Variants in MORC1 observed in about 807,000 individuals in gnomAD.
MORC1 encodes MORC family CW-type zinc finger 1.
A neutral mutation model predicts 134.9 loss-of-function variants in MORC1; 59 were observed. That is an observed-to-expected ratio of 0.44 (90% CI 0.35 to 0.54). MORC1 has a LOEUF of 0.54. MORC1 is among the 20% of genes least tolerant of loss of function. MORC1 has a pLI of 0.00. For synonymous variants in MORC1, 395 were observed against 391.7 expected, an observed-to-expected ratio of 1.01 and a Z score of -0.10; for missense variants, 947 against 1,134.5, an observed-to-expected ratio of 0.83 and a Z score of 2.37.
At chr3:109,081,019 T>G (rs959373596) in intron 8 of MORC1, among the ~76,000 whole-genome samples, 1 of 152,118 alleles carries the variant, frequency 6.6e-6, no homozygotes, top group South Asian at 2.1e-4. Context: ...TCACCCTCCA[T>G]GTACACACAC....
rs539447801 is a variant in MORC1, at chr3:109,013,122, C to T, written c.1705-6031G>A. ...ATTTTATCAGGAATGGCTATAGTTG[C>T]TTCTTTTTTGTCATTTATATTTTGC... On this transcript the variant is annotated intron_variant, in intron 17 of 27. Transcript: ENST00000232603. 7.4e-4 allele frequency among the ~76,000 whole-genome samples: 112 copies of T among 152,078 alleles called. No homozygotes were observed. In the South Asian group the frequency reaches 7.9e-3, roughly 11 times the overall value.
intron 21 of MORC1, among the ~76,000 whole-genome samples, chr3:108,996,641 G>C (rs1948238215): frequency 6.6e-6 from 1 of 152,190 alleles, no homozygotes; most frequent in African/African-American, 2.4e-5. Flanking sequence ...GTCTTGCCAA[G>C]AACATGCTCA....
chr3:109,035,519 C>T, intron 14 of MORC1, 51 bp from the exon 15 acceptor site: 1 of 1,220,384 alleles, frequency 8.2e-7, no homozygotes, highest in Non-Finnish European at 1.1e-6. Flanking sequence ...TCATTAAAAT[C>T]AAAACAATTG....
chr3:109,020,027 C>T (rs114773601), intron 17 of MORC1, among the ~76,000 whole-genome samples: 2,554 of 152,282 alleles, frequency 0.017, 70 homozygotes, highest in African/African-American at 0.058. Context: ...GTATATGTAG[C>T]TTAAGTGGCA....
chr3:109,013,463 G>A (rs1171613668), intron 17 of MORC1, among the ~76,000 whole-genome samples: 4 of 152,124 alleles, frequency 2.6e-5, no homozygotes, highest in Non-Finnish European at 1.5e-5. Context: ...CCTTTCATGT[G>A]CATTTCACAT....
At chr3:109,053,154 A>G (rs561391697) in intron 14 of MORC1, among the ~76,000 whole-genome samples, 14 of 152,148 alleles carry the variant, frequency 9.2e-5, no homozygotes, top group Admixed American at 7.2e-4. Flanking sequence ...AGAAAGGGAC[A>G]CTTACACAAT....
chr3:109,009,650 T>C lies in MORC1; in HGVS notation c.1705-2559A>G, dbSNP rs551471742. Among the ~76,000 whole-genome samples the C allele has an allele frequency of 7.2e-5, 11 of 152,338 alleles. No homozygotes were observed. In the East Asian group the frequency reaches 1.9e-3, roughly 27 times the overall value. Reference sequence around the variant, plus strand: ...TGAAGCTGATTTTTTTTAGAGAAGTTTGAAGCCAAAGTGAACTGTTTTGTC... The same window carrying C: ...TGAAGCTGATTTTTTTTAGAGAAGTCTGAAGCCAAAGTGAACTGTTTTGTC... On this transcript the variant is annotated intron_variant, in intron 17 of 27. Coordinates refer to ENST00000232603, the MANE Select transcript of MORC1 (RefSeq NM_014429.4).
intron 17 of MORC1, among the ~76,000 whole-genome samples, chr3:109,021,344 T>A (rs1948952906): frequency 6.6e-6 from 1 of 152,222 alleles, no homozygotes; most frequent in South Asian, 2.1e-4. Context: ...GTGAAAATCA[T>A]TTCAGGCAAC....
At chr3:108,965,375 C>G (rs1004400245) in intron 26 of MORC1, among the ~76,000 whole-genome samples, 2 of 152,114 alleles carry the variant, frequency 1.3e-5, no homozygotes, top group African/African-American at 2.4e-5. Flanking sequence ...CGAAGTGACG[C>G]TGAATAAATA....
intron 9 of MORC1, among the ~76,000 whole-genome samples, chr3:109,066,845 C>T (rs1246315603): frequency 6.6e-6 from 1 of 152,150 alleles, no homozygotes; most frequent in African/African-American, 2.4e-5. Flanking sequence ...GCCAAAGGTC[C>T]ACAACTAGTA....
At chr3:108,970,685 C>A (rs1187716581) in intron 25 of MORC1, among the ~76,000 whole-genome samples, 2 of 152,182 alleles carry the variant, frequency 1.3e-5, no homozygotes, top group Non-Finnish European at 2.9e-5. Flanking sequence ...CTCCCACCCT[C>A]CTGCACTAGG....
chr3:109,028,120 G>A (rs1424341363), intron 16 of MORC1, among the ~76,000 whole-genome samples: 2 of 152,078 alleles, frequency 1.3e-5, no homozygotes, highest in Non-Finnish European at 2.9e-5. Context: ...ATATTAACGA[G>A]GATGGGAAAG....
rs1201631909 is a variant in MORC1, at chr3:109,059,827, T to C, written c.1010A>G (p.Lys337Arg). ...TTACCTTTGTTTCTCTTTAAGATTCTTTTGCTTTGCTTCTACATCTTCCAA... is the reference window on the plus strand; with the variant it reads ...TTACCTTTGTTTCTCTTTAAGATTCCTTTGCTTTGCTTCTACATCTTCCAA... ...RALEDVEAKQ[K>R]NLKEKQRELK... Residue 337 changes from lysine to arginine, a missense_variant, in exon 12 of 28, where the codon AAG becomes AGG. This residue lies in a region of MORC1 where 722 missense variants were observed against 817.0 expected (regional missense o/e 0.88). Transcript: ENST00000232603. The C allele has an allele frequency of 6.2e-7, 1 of 1,612,706 alleles. No individual in the cohort carries two copies. Among genetic ancestry groups the C allele is most frequent in the African/African-American group, 1.3e-5 (1 of 74,996 alleles).
chr3:108,959,064 T>A lies in MORC1; in HGVS notation c.2856A>T (p.Lys952Asn). The A allele has an allele frequency of 6.3e-7, 1 of 1,584,926 alleles. No individual in the cohort carries two copies. Among genetic ancestry groups the A allele is most frequent in the South Asian group, 1.2e-5 (1 of 86,282 alleles). ...TGTTCTGGAAGAGAAGATTATCTTC[T>A]TTAAGCAAAGCTTCTAAATAAGTGT... ...QTDTYLEALLKEDNLLFQNNL... is the reference protein window; with the variant it reads ...QTDTYLEALLNEDNLLFQNNL... The change falls in exon 28 of 28, where the codon AAA (lysine) becomes AAT (asparagine). Residue 952 changes from lysine (K) to asparagine (N), a missense_variant. By Grantham distance (94) the Lys-to-Asn change is moderately conservative (BLOSUM62 0). Transcript: ENST00000232603.
chr3:108,990,862 C>T (rs1046180920), intron 21 of MORC1, among the ~76,000 whole-genome samples: 9 of 151,132 alleles, frequency 6.0e-5, no homozygotes, highest in South Asian at 2.1e-4. Flanking sequence ...GGTATATGAA[C>T]GACAAAGGAA....
chr3:108,979,420 A>G, intron 24 of MORC1, 95 bp downstream of exon 24: 1 of 1,295,428 alleles, frequency 7.7e-7, no homozygotes, highest in South Asian at 1.4e-5. Context: ...GAATTTATTC[A>G]GTATCATTAA....
chr3:109,054,651 TA>T, intron 14 of MORC1, 76 bp downstream of exon 14: 1 of 1,272,412 alleles, frequency 7.9e-7, no homozygotes, highest in Non-Finnish European at 1.0e-6. Flanking sequence ...TGAATTCAGA[TA>T]ATCATGTCAG....
At chr3:108,978,079 G>A (rs552355548) in intron 24 of MORC1, among the ~76,000 whole-genome samples, 20 of 152,090 alleles carry the variant, frequency 1.3e-4, no homozygotes, top group East Asian at 3.9e-4. Flanking sequence ...GGGTTTCACC[G>A]TGTTAGCCAG....
chr3:109,042,362 T>C (rs528161184), intron 14 of MORC1, among the ~76,000 whole-genome samples: 2 of 152,188 alleles, frequency 1.3e-5, no homozygotes, highest in East Asian at 3.9e-4. Flanking sequence ...ACCTGGGAAA[T>C]ACAAATTAAA....
Sources: gnomAD v4.1 joint callset for allele counts (sites outside exome capture counted in the v4.1 genomes callset) on GRCh38, gnomAD v4.1.1 for gene constraint, gnomAD v4.1.1 regional missense constraint, MANE v1.5 for transcripts, NCBI Gene and HGNC (gene_info 2026-07-23, HGNC 2026-07-21) for gene names.